NRK: variants seen among roughly 807,000 people sequenced by gnomAD.
NRK encodes the protein nik-related protein kinase.
In NRK, 67 loss-of-function variants were observed where a neutral mutation model predicts 125.2. The ratio of observed to expected loss-of-function variants is 0.54; its 90% CI spans 0.44 to 0.66. The LOEUF is 0.66. NRK is among the 30% of genes least tolerant of loss of function. The pLI is 0.00. For synonymous variants in NRK, 458 were observed against 429.0 expected (o/e 1.07, Z -0.84); for missense variants, 1,224 against 1,192.9 (o/e 1.03, Z -0.38).
intron 26 of NRK, among the ~76,000 whole-genome samples, chrX:105,947,183 C>A (rs781273431): frequency 4.7e-5 from 3 of 63,891 alleles, no homozygotes; most frequent in African/African-American, 2.4e-4. Context: ...GTGCAACACG[C>A]CTGTAATCCC....
intron 7 of NRK, among the ~76,000 whole-genome samples, 156 bp from the exon 8 acceptor site, chrX:105,898,428 G>C (rs905228871): frequency 6.2e-5 from 7 of 112,360 alleles, no homozygotes; most frequent in Non-Finnish European, 7.5e-5. Context: ...TTATTTCCCA[G>C]TATTCCTGGA....
At chrX:105,869,757 C>G (rs1414722085) in intron 2 of NRK, among the ~76,000 whole-genome samples, 2 of 109,414 alleles carry the variant, frequency 1.8e-5, no homozygotes, top group Non-Finnish European at 1.9e-5. Flanking sequence ...TTGAACCCCT[C>G]TTCTCAGTCA....
chrX:105,824,617 C>CAAA (rs59276814), intron 1 of NRK, among the ~76,000 whole-genome samples: 2 of 75,483 alleles, frequency 2.6e-5, no homozygotes, highest in African/African-American at 8.6e-5. Flanking sequence ...TTTACTGCCA[C>CAAA]AAAAAAAAAA....
intron 7 of NRK, among the ~76,000 whole-genome samples, chrX:105,896,918 G>T: frequency 9.0e-6 from 1 of 111,701 alleles, no homozygotes; most frequent in African/African-American, 3.3e-5. Flanking sequence ...TAAATACGCA[G>T]GATAGATAGT....
At chrX:105,947,812 C>T (rs2040836502) in intron 26 of NRK, among the ~76,000 whole-genome samples, 2 of 112,190 alleles carry the variant, frequency 1.8e-5, no homozygotes, top group Admixed American at 1.9e-4. Flanking sequence ...TCAGAATTGT[C>T]TCATATGTCT....
intron 13 of NRK, among the ~76,000 whole-genome samples, chrX:105,910,781 A>T (rs769728549): frequency 9.0e-6 from 1 of 111,660 alleles, no homozygotes; most frequent in East Asian, 2.8e-4. Context: ...TGGAAACTGC[A>T]TTTTTTGATG....
At chrX:105,832,043 A>G (rs1287994840) in intron 2 of NRK, among the ~76,000 whole-genome samples, 1 of 111,779 alleles carries the variant, frequency 8.9e-6, no homozygotes, top group African/African-American at 3.2e-5. Context: ...GGACTTGAGC[A>G]TGCCCTGATT....
intron 2 of NRK, among the ~76,000 whole-genome samples, 169 bp downstream of exon 2, chrX:105,831,288 A>G (rs771780630): frequency 1.8e-5 from 2 of 112,264 alleles, no homozygotes; most frequent in East Asian, 5.7e-4. Context: ...ATTATCACAA[A>G]AGTAATGGAT....
chrX:105,917,233 A>G (rs758732677), intron 15 of NRK, among the ~76,000 whole-genome samples: 1 of 111,286 alleles, frequency 9.0e-6, no homozygotes, highest in South Asian at 3.8e-4. Flanking sequence ...ATACTCACAT[A>G]CACTATAAGG....
intron 4 of NRK, 118 bp downstream of exon 4, chrX:105,881,897 G>A: frequency 2.3e-6 from 1 of 430,639 alleles, no homozygotes; most frequent in Non-Finnish European, 4.1e-6. Flanking sequence ...AAGTGTTCTT[G>A]CCTGAAAGTG....
At chrX:105,887,080 A>G (rs937647698) in intron 4 of NRK, among the ~76,000 whole-genome samples, 6 of 112,115 alleles carry the variant, frequency 5.4e-5, no homozygotes, top group Non-Finnish European at 1.1e-4. Flanking sequence ...CAACAAATTT[A>G]TAAATTGTGC....
intron 9 of NRK, among the ~76,000 whole-genome samples, chrX:105,902,658 G>T (rs2040173925): frequency 8.9e-6 from 1 of 111,984 alleles, no homozygotes. Context: ...CAGGAGGTGA[G>T]CGGCGAGCAA....
intron 22 of NRK, 116 bp from the exon 23 acceptor site, chrX:105,939,758 G>T: frequency 2.3e-6 from 1 of 432,611 alleles, no homozygotes; most frequent in Non-Finnish European, 3.9e-6. Context: ...TTTTTTTAAG[G>T]TGCTTTTTAC....
rs1477596136 is a variant in NRK, at chrX:105,952,430, T to A, written c.4514-604T>A. 1.2e-4 allele frequency among the ~76,000 whole-genome samples: 13 copies of A among 112,288 alleles called. No homozygotes were observed. In the Admixed American group the frequency reaches 1.2e-3, roughly 11 times the overall value. ...AATCTATATTTGTCACAAAGTATTA[T>A]AAAATAGAGTCAAAAAAGTTAAAAT... On this transcript the variant is annotated intron_variant, in intron 27 of 28. Transcript: ENST00000243300.
chrX:105,928,163 G>T (rs917054038), intron 19 of NRK, among the ~76,000 whole-genome samples: 8 of 110,889 alleles, frequency 7.2e-5, no homozygotes, highest in Admixed American at 6.7e-4. Flanking sequence ...TGATTCAATC[G>T]CATTATTCAT....
At chrX:105,840,074 G>A (rs576569187) in intron 2 of NRK, among the ~76,000 whole-genome samples, 1 of 111,670 alleles carries the variant, frequency 9.0e-6, no homozygotes, top group African/African-American at 3.2e-5. Flanking sequence ...GGAGAAAAAT[G>A]GAATATTTCT....
intron 2 of NRK, among the ~76,000 whole-genome samples, chrX:105,860,945 A>G (rs1195529556): frequency 9.0e-6 from 1 of 111,032 alleles, no homozygotes; most frequent in Non-Finnish European, 1.9e-5. Flanking sequence ...CCATTCATAT[A>G]CAAGTTTGTG....
intron 22 of NRK, 135 bp from the exon 23 acceptor site, chrX:105,939,739 C>T: frequency 7.4e-6 from 3 of 408,161 alleles, no homozygotes; most frequent in Non-Finnish European, 1.3e-5. Flanking sequence ...GATTCTGATG[C>T]AATGCAGTTT....
At chrX:105,947,394 G>A (rs1254604905) in intron 26 of NRK, among the ~76,000 whole-genome samples, 1 of 75,014 alleles carries the variant, frequency 1.3e-5, no homozygotes, top group East Asian at 4.0e-4. Context: ...AGTGAGCCGA[G>A]ATCCCGCCAC....
Sources: allele counts gnomAD v4.1 joint callset (sites outside exome capture counted in the v4.1 genomes callset), GRCh38; gene constraint gnomAD v4.1.1; transcripts MANE v1.5; gene names NCBI Gene and HGNC (gene_info 2026-07-23, HGNC 2026-07-21).